Variants in ERC2 observed in about 807,000 individuals in gnomAD.
The protein encoded by ERC2 is ELKS/RAB6-interacting/CAST family member 2.
ERC2 carries 42 observed loss-of-function variants against 114.8 expected under a neutral mutation model. That is an observed-to-expected ratio of 0.37 (90% CI 0.29 to 0.47). The LOEUF (loss-of-function observed/expected upper bound fraction) is 0.47, where lower values mean the gene tolerates loss of function less well. Ranked by LOEUF, ERC2 falls within the 20% of genes least tolerant of loss-of-function variation. ERC2 has a pLI of 0.99. For synonymous variants in ERC2, 454 were observed against 425.5 expected (o/e 1.07, Z -0.82); for missense variants, 939 against 1,150.7 (o/e 0.82, Z 2.66).
At position 55,869,713 on chromosome 3, in the gene ERC2, A is replaced by G. The variant is rs115870080; in HGVS notation, c.2564+18676T>C. Among the ~76,000 whole-genome samples, 772 of 152,064 alleles carry G rather than the reference A, an allele frequency of 5.1e-3. 7 individuals carry two copies. Among genetic ancestry groups the G allele is most frequent in the African/African-American group, 0.018 (727 of 41,466 alleles). The stretch of plus-strand genomic sequence containing the variant: ...TTATAATTACCAGCTTATCCCACCA[A>G]CTTCCTTATTAGAGTGTGAGCTCGA... On this transcript the variant is annotated intron_variant, in intron 14 of 17. Transcript: ENST00000288221.
chr3:55,656,961 C>T (rs3732751), intron 17 of ERC2, among the ~76,000 whole-genome samples: 102,602 of 152,034 alleles, frequency 0.67, 35,585 homozygotes, highest in East Asian at 0.93. Flanking sequence ...GGCTAAGAGG[C>T]CCTGGGGAAC....
intron 14 of ERC2, among the ~76,000 whole-genome samples, chr3:55,844,189 A>G (rs2149221881): frequency 6.6e-6 from 1 of 152,292 alleles, no homozygotes; most frequent in South Asian, 2.1e-4. Context: ...CATTCTACAT[A>G]TGCCTTTCTA....
At chr3:55,591,332 G>A (rs1482639517) in intron 17 of ERC2, among the ~76,000 whole-genome samples, 1 of 152,004 alleles carries the variant, frequency 6.6e-6, no homozygotes, top group East Asian at 1.9e-4. Flanking sequence ...CTCCACCTTT[G>A]TGGGACCCAG....
intron 3 of ERC2, among the ~76,000 whole-genome samples, chr3:56,285,581 G>A (rs532923284): frequency 1.3e-5 from 2 of 152,080 alleles, no homozygotes; most frequent in East Asian, 1.9e-4. Flanking sequence ...AAACAGATGC[G>A]AGAGATCTGA....
intron 2 of ERC2, among the ~76,000 whole-genome samples, chr3:56,369,776 A>C (rs550609253): frequency 1.3e-5 from 2 of 151,920 alleles, no homozygotes; most frequent in East Asian, 3.9e-4. Flanking sequence ...TCCCGGATTC[A>C]AGCAATTCTC....
intron 9 of ERC2, among the ~76,000 whole-genome samples, chr3:56,009,308 C>T (rs981901624): frequency 1.3e-5 from 2 of 152,180 alleles, no homozygotes; most frequent in Non-Finnish European, 2.9e-5. Flanking sequence ...GCAGTGGAAG[C>T]TAGGAAGAGA....
chr3:56,328,380 A>T (rs1476346280), intron 2 of ERC2, among the ~76,000 whole-genome samples: 1 of 152,182 alleles, frequency 6.6e-6, no homozygotes, highest in East Asian at 1.9e-4. Flanking sequence ...AATCTACAAA[A>T]TTGGGAATCT....
intron 14 of ERC2, among the ~76,000 whole-genome samples, chr3:55,811,149 G>T (rs1398009982): frequency 7.5e-6 from 1 of 133,508 alleles, no homozygotes; most frequent in Non-Finnish European, 1.7e-5. Flanking sequence ...CTTTTAATTT[G>T]CTTTAATTTT....
At chr3:55,755,773 T>C (rs993842229) in intron 14 of ERC2, among the ~76,000 whole-genome samples, 1 of 152,084 alleles carries the variant, frequency 6.6e-6, no homozygotes. Context: ...ATGTGAAAAA[T>C]AGCTCCCTCT....
chr3:55,948,125 G>A lies in ERC2; in HGVS notation c.2403+2300C>T, dbSNP rs551201112. On this transcript the variant is annotated intron_variant, in intron 13 of 17. Coordinates refer to ENST00000288221, the MANE Select transcript of ERC2 (RefSeq NM_015576.3). ...TCTATCTTCATTCAACTTTGTTTCC[G>A]ACTTTCATACCAACTAGTTGAATCT... is the stretch of plus-strand genomic sequence containing the variant. Among the ~76,000 whole-genome samples the A allele has an allele frequency of 1.1e-4, 16 of 152,230 alleles. No homozygotes were observed. The East Asian group carries it at 2.7e-3, about 26-fold the overall frequency.
chr3:56,149,613 T>C (rs928085520), intron 4 of ERC2, among the ~76,000 whole-genome samples: 2 of 152,240 alleles, frequency 1.3e-5, no homozygotes, highest in African/African-American at 2.4e-5. Flanking sequence ...AATCTACTAA[T>C]GGGAAAAAGG....
chr3:56,237,559 T>C (rs1194875279), intron 3 of ERC2, among the ~76,000 whole-genome samples: 1 of 152,158 alleles, frequency 6.6e-6, no homozygotes, highest in Admixed American at 6.5e-5. Flanking sequence ...TCCTGCAAGG[T>C]CTATGTAGAA....
At chr3:55,770,860 T>C (rs2068148857) in intron 14 of ERC2, among the ~76,000 whole-genome samples, 1 of 151,970 alleles carries the variant, frequency 6.6e-6, no homozygotes, top group South Asian at 2.1e-4. Flanking sequence ...GTGTTCTCAT[T>C]GTTCAACTCC....
rs113328036 is a variant in ERC2 at position 55,907,901 on chromosome 3, A to T, written c.2404-19352T>A. On this transcript the variant is annotated intron_variant, in intron 13 of 17. Transcript: ENST00000288221. ...TTATTTACTAAAACCAACAATAGGC[A>T]GGGCAGAATTCCACCTCTGCTACAG... Among the ~76,000 whole-genome samples, 668 of 152,364 alleles carry T rather than the reference A, an allele frequency of 4.4e-3. 3 individuals carry two copies. Among genetic ancestry groups the T allele is most frequent in the African/African-American group, 0.015 (623 of 41,590 alleles).
At chr3:55,883,967 A>G (rs1443467933) in intron 14 of ERC2, among the ~76,000 whole-genome samples, 1 of 152,186 alleles carries the variant, frequency 6.6e-6, no homozygotes, top group African/African-American at 2.4e-5. Flanking sequence ...GTTAATAGAT[A>G]TGTAAAACTG....
At chr3:55,842,160 C>T (rs190886300) in intron 14 of ERC2, among the ~76,000 whole-genome samples, 1 of 152,236 alleles carries the variant, frequency 6.6e-6, no homozygotes. Flanking sequence ...AAGAATCTGC[C>T]TAAAGCCAAA....
At chr3:56,465,678 T>G (rs1269780594) in intron 1 of ERC2, among the ~76,000 whole-genome samples, 1 of 152,250 alleles carries the variant, frequency 6.6e-6, no homozygotes, top group South Asian at 2.1e-4. Context: ...ATCATTAAGT[T>G]TGGAACCAAA....
At chr3:56,294,007 G>C (rs977983006) in intron 3 of ERC2, among the ~76,000 whole-genome samples, 1 of 152,068 alleles carries the variant, frequency 6.6e-6, no homozygotes, top group African/African-American at 2.4e-5. Flanking sequence ...CAGCCTTGCT[G>C]CCCCTTGGCA....
chr3:56,377,523 C>T (rs540475550), intron 2 of ERC2, among the ~76,000 whole-genome samples: 1 of 152,284 alleles, frequency 6.6e-6, no homozygotes, highest in Non-Finnish European at 1.5e-5. Context: ...AAACTGAGTT[C>T]TTAAGCACCA....
Sources: gnomAD v4.1 joint callset for allele counts (sites outside exome capture counted in the v4.1 genomes callset) on GRCh38, gnomAD v4.1.1 for gene constraint, MANE v1.5 for transcripts, NCBI Gene and HGNC (gene_info 2026-07-23, HGNC 2026-07-21) for gene names.